The following PARD3B variants were observed in gnomAD, a reference collection of about 807,000 sequenced individuals.
The protein encoded by PARD3B is partitioning defective 3 homolog B.
A neutral mutation model predicts 130.2 loss-of-function variants in PARD3B; 103 were observed. The ratio of observed to expected loss-of-function variants is 0.79; its 90% confidence interval spans 0.67 to 0.93. The LOEUF is 0.93. PARD3B is among the 40% of genes least tolerant of loss of function. The pLI, the probability that PARD3B is intolerant of heterozygous loss-of-function variation, is 0.00. For missense variants in PARD3B, 1,609 were observed against 1,499.2 expected, an observed-to-expected ratio of 1.07 and a Z score of -1.21; for synonymous variants, 583 against 553.2, an observed-to-expected ratio of 1.05 and a Z score of -0.76.
chr2:205,001,340 C>G (rs1694813929), intron 3 of PARD3B, among the ~76,000 whole-genome samples: 1 of 152,334 alleles, frequency 6.6e-6, no homozygotes, highest in East Asian at 1.9e-4. Flanking sequence ...AGAACCCACT[C>G]TAGGGATCCT....
intron 20 of PARD3B, among the ~76,000 whole-genome samples, chr2:205,444,594 C>A (rs2106173662): frequency 6.6e-6 from 1 of 152,284 alleles, no homozygotes; most frequent in African/African-American, 2.4e-5. Flanking sequence ...ACTGAAGCGT[C>A]ATAATTGGGG....
At chr2:204,884,305 A>G (rs1051573609) in intron 2 of PARD3B, among the ~76,000 whole-genome samples, 1 of 152,180 alleles carries the variant, frequency 6.6e-6, no homozygotes, top group African/African-American at 2.4e-5. Context: ...AAAAAGGAAA[A>G]GCTTTATAAT....
intron 13 of PARD3B, among the ~76,000 whole-genome samples, chr2:205,179,010 C>A (rs990258566): frequency 2.0e-5 from 3 of 152,132 alleles, no homozygotes; most frequent in African/African-American, 7.2e-5. Context: ...CCTGTTACTG[C>A]CCCTGAAGAC....
At chr2:204,848,601 G>T (rs976851053) in intron 2 of PARD3B, among the ~76,000 whole-genome samples, 1 of 151,956 alleles carries the variant, frequency 6.6e-6, no homozygotes, top group African/African-American at 2.4e-5. Flanking sequence ...CTATGATTGT[G>T]CCATTGCACA....
intron 2 of PARD3B, among the ~76,000 whole-genome samples, chr2:204,789,320 G>C (rs1307837036): frequency 6.6e-6 from 1 of 152,098 alleles, no homozygotes; most frequent in East Asian, 1.9e-4. Context: ...CAAAGCTCTG[G>C]GTTAACAGGC....
intron 21 of PARD3B, among the ~76,000 whole-genome samples, chr2:205,544,905 T>G (rs1367447030): frequency 6.6e-6 from 1 of 152,226 alleles, no homozygotes; most frequent in East Asian, 1.9e-4. Flanking sequence ...CCTGACATGT[T>G]GCAAGGAAGG....
At chr2:204,591,844 G>C (rs1395479766) in intron 1 of PARD3B, among the ~76,000 whole-genome samples, 2 of 152,156 alleles carry the variant, frequency 1.3e-5, no homozygotes, top group Non-Finnish European at 2.9e-5. Context: ...GAGTGCTGTT[G>C]TACACGATGA....
chr2:205,467,771 T>C (rs2048682082), intron 20 of PARD3B, among the ~76,000 whole-genome samples: 1 of 152,038 alleles, frequency 6.6e-6, no homozygotes, highest in African/African-American at 2.4e-5. Context: ...CACACTGGAG[T>C]CCAGGGCAGC....
At chr2:205,489,135 T>A (rs1329452183) in intron 20 of PARD3B, among the ~76,000 whole-genome samples, 1 of 152,124 alleles carries the variant, frequency 6.6e-6, no homozygotes, top group Non-Finnish European at 1.5e-5. Context: ...AAATCTTTCT[T>A]TTTTAAGAAA....
intron 22 of PARD3B, among the ~76,000 whole-genome samples, chr2:205,610,974 G>T (rs1451239822): frequency 2.6e-5 from 4 of 152,120 alleles, no homozygotes; most frequent in Admixed American, 2.6e-4. Context: ...ACATACATTT[G>T]TAGAGCACCT....
At chr2:204,857,957 G>A (rs911962537) in intron 2 of PARD3B, among the ~76,000 whole-genome samples, 1 of 152,144 alleles carries the variant, frequency 6.6e-6, no homozygotes, top group African/African-American at 2.4e-5. Context: ...CGTCTAAAGG[G>A]AGGGTTAGTC....
chr2:205,441,754 T>G (rs2047723795), intron 20 of PARD3B, among the ~76,000 whole-genome samples: 3 of 152,170 alleles, frequency 2.0e-5, no homozygotes, highest in Admixed American at 1.3e-4. Flanking sequence ...GACTGTAAAG[T>G]GTAGCTTCAA....
chr2:204,841,939 A>G (rs2044272491), intron 2 of PARD3B, among the ~76,000 whole-genome samples: 1 of 152,130 alleles, frequency 6.6e-6, no homozygotes, highest in East Asian at 1.9e-4. Context: ...AATATGTGAA[A>G]TTGAATAGCA....
intron 2 of PARD3B, among the ~76,000 whole-genome samples, chr2:204,815,940 T>C (rs1419032240): frequency 6.6e-6 from 1 of 152,054 alleles, no homozygotes; most frequent in Non-Finnish European, 1.5e-5. Flanking sequence ...GGACACATTG[T>C]TTGATAGATA....
intron 22 of PARD3B, among the ~76,000 whole-genome samples, chr2:205,582,952 G>T (rs2054046990): frequency 6.6e-6 from 1 of 152,194 alleles, no homozygotes; most frequent in Admixed American, 6.6e-5. Flanking sequence ...GCCATTCTCA[G>T]AGTAGCAGGG....
intron 2 of PARD3B, among the ~76,000 whole-genome samples, chr2:204,709,079 A>T (rs2038315592): frequency 1.3e-5 from 2 of 152,192 alleles, no homozygotes; most frequent in South Asian, 4.1e-4. Flanking sequence ...TACTTAGGGA[A>T]TGCATGAATA....
chr2:204,966,298 A>G (rs1691242950), intron 3 of PARD3B, among the ~76,000 whole-genome samples: 1 of 152,154 alleles, frequency 6.6e-6, no homozygotes, highest in East Asian at 1.9e-4. Flanking sequence ...TTTAAAATAA[A>G]CCAAATGGAA....
intron 1 of PARD3B, among the ~76,000 whole-genome samples, chr2:204,629,784 T>C (rs529378410): frequency 3.3e-5 from 5 of 152,226 alleles, no homozygotes; most frequent in Non-Finnish European, 7.3e-5. Context: ...TGATTCTGAA[T>C]TATATTCTAT....
chr2:205,521,435 ACT>A (rs1491334039), intron 21 of PARD3B, among the ~76,000 whole-genome samples: 1 of 151,304 alleles, frequency 6.6e-6, no homozygotes, highest in Non-Finnish European at 1.5e-5. Flanking sequence ...TCGTCAATAG[ACT>A]CTTTAACTTT....
Sources: allele counts gnomAD v4.1 joint callset (sites outside exome capture counted in the v4.1 genomes callset), GRCh38; gene constraint gnomAD v4.1.1; transcripts MANE v1.5; gene names NCBI Gene and HGNC (gene_info 2026-07-23, HGNC 2026-07-21).